CYP19A1: variants seen among roughly 807,000 people sequenced by gnomAD.
CYP19A1 encodes cytochrome P450 family 19 subfamily A member 1.
Under a neutral mutation model 44.4 loss-of-function variants are expected in CYP19A1, and 32 were observed. The observed-to-expected ratio is 0.72, with a 90% CI of 0.54 to 0.97. The LOEUF (loss-of-function observed/expected upper bound fraction) is 0.97, where lower values mean the gene tolerates loss of function less well. Among genes scored for constraint, CYP19A1 ranks in the 50% least tolerant of loss-of-function variants. The pLI, the probability that CYP19A1 is intolerant of heterozygous loss-of-function variation, is 0.00. For missense variants in CYP19A1, 598 were observed against 637.8 expected, an observed-to-expected ratio of 0.94 and a Z score of 0.67; for synonymous variants, 212 against 215.6, an observed-to-expected ratio of 0.98 and a Z score of 0.14.
chr15:51,328,030 T>C (rs1439989298), intron 1 of CYP19A1, among the ~76,000 whole-genome samples: 1 of 152,208 alleles, frequency 6.6e-6, no homozygotes, highest in Non-Finnish European at 1.5e-5. Flanking sequence ...TGCACCTATG[T>C]GTAGAGTCGC....
At chr15:51,270,359 C>T (rs1027820248) in intron 1 of CYP19A1, among the ~76,000 whole-genome samples, 15 of 152,180 alleles carry the variant, frequency 9.9e-5, no homozygotes, top group Non-Finnish European at 1.6e-4. Flanking sequence ...CCTCCCCTAC[C>T]GCCTTAAGCA....
intron 1 of CYP19A1, among the ~76,000 whole-genome samples, chr15:51,269,301 C>G (rs576238525): frequency 1.6e-4 from 25 of 152,098 alleles, no homozygotes; most frequent in East Asian, 7.7e-4. Context: ...ATTGAATTGT[C>G]TTAGTACTTT....
chr15:51,208,120 G>A lies in CYP19A1; in HGVS notation c.*2688C>T, dbSNP rs948758540. 6.6e-6 allele frequency: 1 copy of A among 152,170 alleles called. No individual in the cohort carries two copies. The highest frequency in any genetic ancestry group is 2.4e-5 in the African/African-American group (1 of 41,454). 9.4% of individuals were successfully genotyped at this position (152,170 alleles called of 1,614,324 possible). A position where few individuals can be genotyped will look rare whatever the true frequency, so the allele number is the denominator to read the frequency against. On this transcript the variant is annotated 3_prime_UTR_variant, in exon 10 of 10. Transcript: ENST00000396402. ...AATAGGTGAGAGATTCAGTCCCAGA[G>A]CCCAGCTGATATAGATTGAAAAGGG...
At position 51,247,782 on chromosome 15, in the gene CYP19A1, T is replaced by G. The variant is rs150708658; in HGVS notation, c.-38-4832A>C. On this transcript the variant is annotated intron_variant, in intron 1 of 9. Coordinates refer to ENST00000396402, the MANE Select transcript of CYP19A1 (RefSeq NM_000103.4). The stretch of plus-strand genomic sequence containing the variant: ...GCTTCAAAATATTGGTGTTTTGTAC[T>G]TCCCTTTTCCCTTTACTTTCCTACC... Among the ~76,000 whole-genome samples, 1,294 of 152,288 alleles carry G rather than the reference T, an allele frequency of 8.5e-3. 29 individuals are homozygous for G. The highest frequency in any genetic ancestry group is 0.03 in the African/African-American group (1,237 of 41,566).
chr15:51,246,509 G>A (rs575844146), intron 1 of CYP19A1, among the ~76,000 whole-genome samples: 2 of 152,246 alleles, frequency 1.3e-5, no homozygotes, highest in African/African-American at 4.8e-5. Context: ...TTCATTCAAC[G>A]CCCCACCAAC....
chr15:51,254,685 G>A (rs1017670616), intron 1 of CYP19A1, among the ~76,000 whole-genome samples: 8 of 152,000 alleles, frequency 5.3e-5, no homozygotes, highest in South Asian at 2.1e-4. Context: ...CTTTCGGGTC[G>A]TCCATTCACA....
intron 1 of CYP19A1, among the ~76,000 whole-genome samples, chr15:51,294,130 GC>G (rs2035917515): frequency 3.7e-5 from 5 of 136,298 alleles, no homozygotes; most frequent in African/African-American, 1.7e-4. Flanking sequence ...CTGCCCGGCT[GC>G]CCATCGTCTG....
intron 1 of CYP19A1, among the ~76,000 whole-genome samples, chr15:51,327,810 T>C (rs773470260): frequency 6.6e-6 from 1 of 152,208 alleles, no homozygotes; most frequent in South Asian, 2.1e-4. Context: ...ACTCTCCTTT[T>C]GTTATGCTCA....
chr15:51,292,894 C>G (rs1045035650), intron 1 of CYP19A1, among the ~76,000 whole-genome samples: 4 of 151,860 alleles, frequency 2.6e-5, no homozygotes, highest in African/African-American at 9.7e-5. Flanking sequence ...CCCCAAACAC[C>G]AGGTGCTCTG....
chr15:51,297,656 C>T (rs1307138604), intron 1 of CYP19A1, among the ~76,000 whole-genome samples: 1 of 152,068 alleles, frequency 6.6e-6, no homozygotes, highest in Non-Finnish European at 1.5e-5. Context: ...CCCCTGTCTC[C>T]CTCCCTGCTC....
intron 1 of CYP19A1, among the ~76,000 whole-genome samples, chr15:51,335,798 T>G (rs1345388032): frequency 6.6e-6 from 1 of 152,208 alleles, no homozygotes; most frequent in African/African-American, 2.4e-5. Flanking sequence ...TGTTTCCCAT[T>G]GCTTTTACAG....
At chr15:51,237,042 T>C (rs2033444268) in intron 2 of CYP19A1, 33 bp from the exon 3 acceptor site, 2 of 1,613,658 alleles carry the variant, frequency 1.2e-6, no homozygotes, top group Non-Finnish European at 1.7e-6. Context: ...AGCAACATCT[T>C]AGTTACACCA....
intron 5 of CYP19A1, chr15:51,222,148 G>T: frequency 2.2e-6 from 2 of 894,442 alleles, no homozygotes; most frequent in Non-Finnish European, 3.3e-6. Flanking sequence ...GCTAGTAGAT[G>T]CTGGCCCCTA....
chr15:51,229,705 T>C (rs569757025), intron 3 of CYP19A1, among the ~76,000 whole-genome samples: 1 of 152,280 alleles, frequency 6.6e-6, no homozygotes, highest in East Asian at 1.9e-4. Flanking sequence ...TTGAAAACTC[T>C]AGCTTTACTT....
At chr15:51,247,059 T>G (rs1335537810) in intron 1 of CYP19A1, among the ~76,000 whole-genome samples, 2 of 152,216 alleles carry the variant, frequency 1.3e-5, no homozygotes, top group East Asian at 3.8e-4. Flanking sequence ...GATCTCATTC[T>G]GTGGCGTTGG....
chr15:51,320,279 A>T (rs973755640), intron 1 of CYP19A1: 1 of 152,358 alleles, frequency 6.6e-6, no homozygotes, highest in African/African-American at 2.4e-5. Context: ...GGGAAGAGGG[A>T]GATCAAGGAA....
chr15:51,310,115 A>G (rs1337482227), intron 1 of CYP19A1, among the ~76,000 whole-genome samples: 1 of 152,234 alleles, frequency 6.6e-6, no homozygotes, highest in African/African-American at 2.4e-5. Flanking sequence ...TAACCAAAAA[A>G]GATGAATTCC....
chr15:51,289,472 C>T (rs1014225925), intron 1 of CYP19A1, among the ~76,000 whole-genome samples: 2 of 152,150 alleles, frequency 1.3e-5, no homozygotes, highest in Non-Finnish European at 2.9e-5. Flanking sequence ...GGGACGTGAA[C>T]TTGGCTCTGC....
At chr15:51,215,548 T>C (rs751683824) in intron 7 of CYP19A1, among the ~76,000 whole-genome samples, 155 bp downstream of exon 7, 10 of 152,250 alleles carry the variant, frequency 6.6e-5, no homozygotes, top group Non-Finnish European at 1.5e-4. Flanking sequence ...TACTGAAATA[T>C]CTAATGTGTG....
Sources: gnomAD v4.1 joint callset for allele counts (sites outside exome capture counted in the v4.1 genomes callset) on GRCh38, gnomAD v4.1.1 for gene constraint, MANE v1.5 for transcripts, NCBI Gene and HGNC (gene_info 2026-07-23, HGNC 2026-07-21) for gene names.